TRRAP: variants seen among roughly 807,000 people sequenced by gnomAD.
TRRAP encodes transformation/transcription domain associated protein.
A neutral mutation model predicts 438.8 loss-of-function variants in TRRAP; 41 were observed. That is an observed-to-expected ratio of 0.09 (90% CI 0.07 to 0.12). TRRAP has a LOEUF of 0.12. Ranked by LOEUF, TRRAP falls within the 10% of genes least tolerant of loss-of-function variation. The pLI is 1.00. For missense variants in TRRAP, 3,122 were observed against 5,055.1 expected, an observed-to-expected ratio of 0.62 and a Z score of 11.60; for synonymous variants, 1,994 against 1,962.9, an observed-to-expected ratio of 1.02 and a Z score of -0.42.
chr7:98,900,368 C>T (rs1310032577), intron 10 of TRRAP, among the ~76,000 whole-genome samples: 2 of 152,132 alleles, frequency 1.3e-5, no homozygotes, highest in African/African-American at 2.4e-5. Flanking sequence ...TTGAGTAGAA[C>T]GGCCTGGCAC....
At chr7:99,004,453 G>A in intron 68 of TRRAP, 38 bp downstream of exon 68, 1 of 1,586,758 alleles carries the variant, frequency 6.3e-7, no homozygotes, top group Non-Finnish European at 8.6e-7. Flanking sequence ...CTAACCCACG[G>A]CGCCCATGGA....
At chr7:99,010,522 C>T (rs528180083) in intron 70 of TRRAP, among the ~76,000 whole-genome samples, 9 of 152,286 alleles carry the variant, frequency 5.9e-5, no homozygotes, top group African/African-American at 1.7e-4. Flanking sequence ...GATGGTCGAA[C>T]GGGAAGTCCA....
chr7:98,945,044 A>T (rs188712901), intron 31 of TRRAP, among the ~76,000 whole-genome samples: 21 of 152,260 alleles, frequency 1.4e-4, no homozygotes, highest in African/African-American at 4.8e-4. Context: ...ACCTCAGGTG[A>T]TCCACCTGCT....
chr7:99,000,462 C>T (rs916544525), intron 67 of TRRAP, among the ~76,000 whole-genome samples: 29 of 152,346 alleles, frequency 1.9e-4, no homozygotes, highest in Admixed American at 1.8e-3. Flanking sequence ...GAAACTGCTA[C>T]CCCAGTGAGG....
chr7:98,929,738 C>G (rs568326672), intron 23 of TRRAP, among the ~76,000 whole-genome samples: 3 of 151,962 alleles, frequency 2.0e-5, no homozygotes, highest in Non-Finnish European at 4.4e-5. Context: ...GGATTACAGG[C>G]GCCTGCCACC....
intron 45 of TRRAP, 144 bp from the exon 46 acceptor site, chr7:98,961,117 T>C: frequency 1.4e-6 from 1 of 696,226 alleles, no homozygotes; most frequent in South Asian, 1.9e-5. Context: ...TCTTGTGAAA[T>C]ACGATTGTCA....
chr7:98,963,536 C>T (rs1160064608), intron 47 of TRRAP, among the ~76,000 whole-genome samples: 2 of 152,116 alleles, frequency 1.3e-5, no homozygotes, highest in Non-Finnish European at 2.9e-5. Context: ...TTGGCCACAC[C>T]GTCGTCCCCA....
Position 98,899,785 on chromosome 7 carries a change from C to T in TRRAP, c.800+18C>T. 6.2e-7 allele frequency: 1 copy of T among 1,612,126 alleles called. No homozygotes were observed. Among genetic ancestry groups the T allele is most frequent in the Non-Finnish European group, 8.5e-7 (1 of 1,178,314 alleles). ...CAAGCGAGGTGAGGCGTCACTGTAG[C>T]CGGCTGCCACAGTGCCTGGATTCCA... On this transcript the variant is annotated intron_variant, in intron 10 of 72. Transcript: ENST00000456197.
intron 7 of TRRAP, among the ~76,000 whole-genome samples, chr7:98,897,289 T>C (rs1437785041): frequency 6.6e-6 from 1 of 152,164 alleles, no homozygotes; most frequent in South Asian, 2.1e-4. Flanking sequence ...GATGTCTATT[T>C]AGAGAGTGAA....
intron 64 of TRRAP, 62 bp downstream of exon 64, chr7:98,990,681 T>C (rs1793393718): frequency 6.6e-7 from 1 of 1,526,086 alleles, no homozygotes; most frequent in Non-Finnish European, 8.9e-7. Flanking sequence ...TTTTGCGTTC[T>C]TTTTTCTCCC....
chr7:98,924,831 G>A (rs1242803645), intron 21 of TRRAP, among the ~76,000 whole-genome samples: 4 of 150,158 alleles, frequency 2.7e-5, no homozygotes, highest in Non-Finnish European at 5.9e-5. Flanking sequence ...GTGAAACCCC[G>A]ACTCTACTAA....
intron 2 of TRRAP, among the ~76,000 whole-genome samples, chr7:98,881,462 C>T (rs986858007): frequency 6.6e-6 from 1 of 151,564 alleles, no homozygotes; most frequent in Non-Finnish European, 1.5e-5. Flanking sequence ...GTCCCAGCTA[C>T]TTGGGAGGCT....
chr7:98,882,772 C>T (rs1373959663), intron 3 of TRRAP, among the ~76,000 whole-genome samples: 1 of 152,064 alleles, frequency 6.6e-6, no homozygotes, highest in Non-Finnish European at 1.5e-5. Context: ...AGCGATTCTC[C>T]TGCCGTAGCC....
intron 37 of TRRAP, 47 bp downstream of exon 37, chr7:98,949,888 A>G (rs781948024): frequency 1.8e-4 from 290 of 1,588,892 alleles, no homozygotes; most frequent in Non-Finnish European, 2.4e-4. Flanking sequence ...CTCTGTCCCA[A>G]AAGCTCAGCC....
At chr7:98,954,742 C>T (rs897677452) in intron 40 of TRRAP, among the ~76,000 whole-genome samples, 1 of 152,202 alleles carries the variant, frequency 6.6e-6, no homozygotes, top group African/African-American at 2.4e-5. Flanking sequence ...TCTTGTTGGC[C>T]CTGTTCACTT....
chr7:98,919,201 C>G (rs1789673657), intron 20 of TRRAP, among the ~76,000 whole-genome samples: 10 of 152,088 alleles, frequency 6.6e-5, no homozygotes, highest in Admixed American at 6.6e-4. Context: ...CTAGGAGTCT[C>G]TGTTCAAATT....
At chr7:98,921,707 A>G (rs1789804982) in intron 20 of TRRAP, 46 bp from the exon 21 acceptor site, 3 of 1,608,568 alleles carry the variant, frequency 1.9e-6, no homozygotes, top group African/African-American at 2.7e-5. Context: ...AACCTCGTGA[A>G]GGCATTACCT....
In TRRAP at chr7:98,953,529, C is replaced by T. The variant is rs3815232; in HGVS notation, c.5730+96C>T. On this transcript the variant is annotated intron_variant, in intron 40 of 72. Transcript: ENST00000456197. ...CAGTCTCAGCCTCTCCTGTTGTCTT[C>T]TCCCAAAACCAATAAAAACCATGAA... 1,267,151 of 1,513,674 alleles carry T rather than the reference C, an allele frequency of 0.84. 542,677 individuals are homozygous for T. Among genetic ancestry groups the T allele is most frequent in the Non-Finnish European group, 0.88 (991,504 of 1,130,520 alleles). 93.8% of individuals were successfully genotyped at this position (1,513,674 alleles called of 1,614,324 possible).
intron 3 of TRRAP, among the ~76,000 whole-genome samples, chr7:98,882,294 T>C (rs899872562): frequency 6.6e-6 from 1 of 152,138 alleles, no homozygotes; most frequent in African/African-American, 2.4e-5. Context: ...ATGGTAGCTC[T>C]TTTAGGCTAC....
Sources: allele counts gnomAD v4.1 joint callset (sites outside exome capture counted in the v4.1 genomes callset), GRCh38; gene constraint gnomAD v4.1.1; transcripts MANE v1.5; gene names NCBI Gene and HGNC (gene_info 2026-07-23, HGNC 2026-07-21).